FAM13A: variants seen among roughly 807,000 people sequenced by gnomAD.
FAM13A encodes family with sequence similarity 13 member A.
FAM13A carries 76 observed loss-of-function variants against 129.6 expected under a neutral mutation model. The ratio of observed to expected loss-of-function variants is 0.59; its 90% CI spans 0.49 to 0.71. The LOEUF (loss-of-function observed/expected upper bound fraction) is 0.71. Among genes scored for constraint, FAM13A ranks in the 30% least tolerant of loss-of-function variants. FAM13A has a pLI of 0.00. For missense variants in FAM13A, 1,108 were observed against 1,249.3 expected, an observed-to-expected ratio of 0.89 and a Z score of 1.70; for synonymous variants, 443 against 449.9, an observed-to-expected ratio of 0.98 and a Z score of 0.20.
chr4:88,756,577 G>A (rs1743689803), intron 14 of FAM13A, among the ~76,000 whole-genome samples: 3 of 152,184 alleles, frequency 2.0e-5, no homozygotes, highest in Admixed American at 2.0e-4. Context: ...CTTGTAGGTG[G>A]ATACTGGTTC....
intron 21 of FAM13A, chr4:88,732,432 C>A: frequency 2.7e-6 from 1 of 375,076 alleles, no homozygotes; most frequent in Non-Finnish European, 4.7e-6. Flanking sequence ...GACTGCAAAA[C>A]TATTTTAAAA....
At chr4:88,743,172 T>C (rs1740606606) in intron 19 of FAM13A, among the ~76,000 whole-genome samples, 2 of 152,226 alleles carry the variant, frequency 1.3e-5, no homozygotes, top group Non-Finnish European at 2.9e-5. Context: ...TTTACTACCC[T>C]ATTTGGTTGT....
In FAM13A at chr4:88,758,911, C is replaced by T. The variant is rs111942081; in HGVS notation, c.1579-10G>A. Reference sequence around the variant, plus strand: ...TCTTCATTGTGGGGCTCTGCAATAACAGCACAATGTCCCCAAATATCTACT... The same window carrying T: ...TCTTCATTGTGGGGCTCTGCAATAATAGCACAATGTCCCCAAATATCTACT... On this transcript the variant is annotated splice_polypyrimidine_tract_variant and intron_variant, in intron 13 of 23. Transcript: ENST00000264344. 8 of 1,612,280 alleles carry T rather than the reference C, an allele frequency of 5.0e-6. No individual in the cohort carries two copies. The highest frequency in any genetic ancestry group is 2.7e-5 in the African/African-American group (2 of 74,988).
intron 7 of FAM13A, among the ~76,000 whole-genome samples, chr4:88,806,296 C>T (rs958421855): frequency 2.0e-5 from 3 of 152,172 alleles, no homozygotes; most frequent in Non-Finnish European, 2.9e-5. Context: ...TCTTGGATAT[C>T]ACCTGGGGTG....
Position 88,728,422 on chromosome 4 carries a change from G to C in FAM13A, c.*111C>G, listed in dbSNP as rs986446914. 4.3e-5 allele frequency: 57 copies of C among 1,333,736 alleles called. No individual in the cohort carries two copies. The highest frequency in any genetic ancestry group is 2.3e-5 in the East Asian group (1 of 43,212). The allele number at this position is 1,333,736 out of a possible 1,614,324, so 82.6% of individuals were successfully genotyped here. Reference sequence around the variant, plus strand: ...ATGCCAAATGGTCTAGAGGCAGAAGGGCTGCATGCTTTGCAGGGCCAGCCC... The same window carrying C: ...ATGCCAAATGGTCTAGAGGCAGAAGCGCTGCATGCTTTGCAGGGCCAGCCC... On this transcript the variant is annotated 3_prime_UTR_variant, in exon 24 of 24. Coordinates refer to ENST00000264344, the MANE Select transcript of FAM13A (RefSeq NM_014883.4).
At chr4:89,044,733 T>C (rs888941065) in intron 1 of FAM13A, among the ~76,000 whole-genome samples, 20 of 152,138 alleles carry the variant, frequency 1.3e-4, no homozygotes, top group African/African-American at 4.8e-4. Context: ...TGGAATATTA[T>C]TCAGGCTTGA....
rs760494441 is a variant in FAM13A, at chr4:88,851,015, C to T, written c.1007+5G>A. The T allele has an allele frequency of 2.5e-5, 40 of 1,613,252 alleles. No homozygotes were observed. The highest frequency in any genetic ancestry group is 3.3e-5 in the Admixed American group (2 of 59,974). On this transcript the variant is annotated splice_donor_5th_base_variant and intron_variant, in intron 7 of 23. Transcript: ENST00000264344. ...GGATTGTGTAGATAAAGAAAACATG[C>T]CAACCTGGGTACCAACTTGGCACTA...
At chr4:88,862,268 A>G (rs1739616010) in intron 6 of FAM13A, among the ~76,000 whole-genome samples, 1 of 152,226 alleles carries the variant, frequency 6.6e-6, no homozygotes, top group Non-Finnish European at 1.5e-5. Flanking sequence ...ATGCTATTTG[A>G]GAATACACAT....
rs190050595 is a variant in FAM13A, at chr4:88,841,907, C to T, written c.1007+9113G>A. Among the ~76,000 whole-genome samples, 57 of 152,246 alleles carry T rather than the reference C, an allele frequency of 3.7e-4. No homozygotes were observed. In the East Asian group the frequency reaches 8.9e-3, roughly 24 times the overall value. On this transcript the variant is annotated intron_variant, in intron 7 of 23. Transcript: ENST00000264344. Reference sequence around the variant, plus strand: ...CAGCAATTCCACCCCTAGGCTTATACCCAAGAGAACTGAAAATATATGCCC... The same window carrying T: ...CAGCAATTCCACCCCTAGGCTTATATCCAAGAGAACTGAAAATATATGCCC...
At chr4:89,049,644 G>A (rs369450630) in intron 1 of FAM13A, among the ~76,000 whole-genome samples, 4 of 152,232 alleles carry the variant, frequency 2.6e-5, no homozygotes, top group African/African-American at 9.6e-5. Context: ...ATTTGACTGA[G>A]TTCTATTGTA....
chr4:88,896,800 A>G (rs1746420369), intron 6 of FAM13A, among the ~76,000 whole-genome samples: 1 of 152,218 alleles, frequency 6.6e-6, no homozygotes, highest in Admixed American at 6.5e-5. Context: ...AACCGAAACT[A>G]TCGTGTGCTT....
At chr4:88,736,915 AAGTC>A (rs1739098644) in intron 21 of FAM13A, among the ~76,000 whole-genome samples, 2 of 152,346 alleles carry the variant, frequency 1.3e-5, no homozygotes, top group South Asian at 4.1e-4. Flanking sequence ...TGCTATGAGA[AAGTC>A]AAGAAGGAAA....
At chr4:88,754,315 A>T (rs1434854073) in intron 14 of FAM13A, among the ~76,000 whole-genome samples, 2 of 152,232 alleles carry the variant, frequency 1.3e-5, no homozygotes, top group Admixed American at 6.5e-5. Flanking sequence ...TTCAGACACT[A>T]TAGTACACAT....
intron 3 of FAM13A, among the ~76,000 whole-genome samples, chr4:88,996,278 G>T (rs554793000): frequency 1.3e-5 from 2 of 152,296 alleles, no homozygotes; most frequent in East Asian, 3.9e-4. Flanking sequence ...GACATGATCT[G>T]CCTGGAGGAC....
intron 3 of FAM13A, among the ~76,000 whole-genome samples, chr4:89,002,862 G>A (rs1252708523): frequency 1.3e-5 from 2 of 151,844 alleles, no homozygotes; most frequent in Non-Finnish European, 2.9e-5. Flanking sequence ...TTTTGCAAGA[G>A]GAATCAAAAG....
At chr4:88,754,975 C>T (rs1743338027) in intron 14 of FAM13A, among the ~76,000 whole-genome samples, 1 of 152,172 alleles carries the variant, frequency 6.6e-6, no homozygotes, top group African/African-American at 2.4e-5. Flanking sequence ...GCTGCTTAAT[C>T]AGTTACTAAT....
At chr4:88,806,191 T>TTA (rs1728521927) in intron 7 of FAM13A, among the ~76,000 whole-genome samples, 1 of 152,138 alleles carries the variant, frequency 6.6e-6, no homozygotes, top group Admixed American at 6.6e-5. Context: ...ATAACTATAT[T>TTA]ATGTACATCA....
chr4:89,016,188 TA>T (rs36022028), intron 3 of FAM13A, among the ~76,000 whole-genome samples: 15,679 of 120,452 alleles, frequency 0.13, 862 homozygotes, highest in African/African-American at 0.17. Context: ...TGCCTTAGTT[TA>T]AAAAAAAAAA....
chr4:88,756,386 T>C (rs1965869), intron 14 of FAM13A, among the ~76,000 whole-genome samples: 97,374 of 152,000 alleles, frequency 0.64, 32,065 homozygotes, highest in Non-Finnish European at 0.73. Flanking sequence ...ACATCATTTT[T>C]GTGTGGAGGG....
Sources: allele counts gnomAD v4.1 joint callset (sites outside exome capture counted in the v4.1 genomes callset), GRCh38; gene constraint gnomAD v4.1.1; transcripts MANE v1.5; gene names NCBI Gene and HGNC (gene_info 2026-07-23, HGNC 2026-07-21).